B3GLCT: variants seen among roughly 807,000 people sequenced by gnomAD.
B3GLCT encodes beta 3-glucosyltransferase, also known as beta-1,3-glucosyltransferase.
In B3GLCT, 65 loss-of-function variants were observed where a neutral mutation model predicts 63.4. That is an observed-to-expected ratio of 1.03 (90% confidence interval 0.84 to 1.26). The LOEUF (loss-of-function observed/expected upper bound fraction) is 1.26, where lower values mean the gene tolerates loss of function less well. Among genes scored for constraint, B3GLCT ranks in the 50% most tolerant of loss-of-function variants. The pLI is 0.00. For synonymous variants in B3GLCT, 233 were observed against 219.2 expected, an observed-to-expected ratio of 1.06 and a Z score of -0.55; for missense variants, 577 against 604.8, an observed-to-expected ratio of 0.95 and a Z score of 0.48.
intron 12 of B3GLCT, among the ~76,000 whole-genome samples, chr13:31,289,682 G>A (rs570811132): frequency 2.2e-4 from 33 of 152,074 alleles, no homozygotes; most frequent in African/African-American, 7.5e-4. Context: ...ATAGATAAAG[G>A]GGAAATAATC....
chr13:31,289,918 C>T (rs1233550367), intron 12 of B3GLCT, among the ~76,000 whole-genome samples: 1 of 151,010 alleles, frequency 6.6e-6, no homozygotes, highest in Non-Finnish European at 1.5e-5. Context: ...GCAAAATGTG[C>T]AGGTTTGTTA....
chr13:31,319,109 C>T lies in B3GLCT; in HGVS notation c.1184+1424C>T, dbSNP rs115849379. Among the ~76,000 whole-genome samples, 386 of 152,306 alleles carry T rather than the reference C, an allele frequency of 2.5e-3. 2 individuals are homozygous for T. The highest frequency in any genetic ancestry group is 8.8e-3 in the African/African-American group (367 of 41,560). On this transcript the variant is annotated intron_variant, in intron 13 of 14. Coordinates refer to ENST00000343307, the MANE Select transcript of B3GLCT (RefSeq NM_194318.4). ...TGAAAGCTGCACAGCCCCTTCCCCA[C>T]AGGACCTCACAGGCCAGTGCCAGAT... is the stretch of plus-strand genomic sequence containing the variant.
Position 31,214,839 on chromosome 13 carries a change from C to T in B3GLCT, c.71-212C>T, listed in dbSNP as rs1284896499. 2.0e-5 allele frequency among the ~76,000 whole-genome samples: 3 copies of T among 152,224 alleles called. No individual in the cohort carries two copies. The South Asian group carries it at 6.2e-4, about 32-fold the overall frequency. On this transcript the variant is annotated intron_variant, in intron 1 of 14. Transcript: ENST00000343307. The stretch of plus-strand genomic sequence containing the variant: ...TGTACTGTTTCTTTTGCTTGGTAGC[C>T]TAAGCGTGTTGGCTTCGTGTTGATG...
chr13:31,240,467 G>GTTTTTTTTT (rs146603707), intron 4 of B3GLCT, among the ~76,000 whole-genome samples: 2 of 129,802 alleles, frequency 1.5e-5, no homozygotes, highest in Non-Finnish European at 3.3e-5. Context: ...TGCCTCTTTA[G>GTTTTTTTTT]TTTTTTTTTT....
chr13:31,315,265 A>G (rs1424842769), intron 12 of B3GLCT, among the ~76,000 whole-genome samples: 1 of 152,216 alleles, frequency 6.6e-6, no homozygotes, highest in African/African-American at 2.4e-5. Context: ...AGGAAGATGA[A>G]TGAAAGTTTG....
At position 31,269,093 on chromosome 13, in the gene B3GLCT, T is replaced by A. The variant is rs9543022; in HGVS notation, c.597-121T>A. ...CTTTCCCTCAAGGAATTTAAACTGTTATTTTTATCTTTAAATCTGTATGTT... is the reference window on the plus strand; with the variant it reads ...CTTTCCCTCAAGGAATTTAAACTGTAATTTTTATCTTTAAATCTGTATGTT... On this transcript the variant is annotated intron_variant, in intron 7 of 14. Coordinates refer to ENST00000343307, the MANE Select transcript of B3GLCT (RefSeq NM_194318.4). 3 of 727,450 alleles carry A rather than the reference T, an allele frequency of 4.1e-6. No individual in the cohort carries two copies. In the East Asian group the frequency reaches 8.2e-5, roughly 20 times the overall value. 45.1% of individuals were successfully genotyped at this position (727,450 alleles called of 1,614,324 possible).
At chr13:31,208,249 C>T (rs919230748) in intron 1 of B3GLCT, among the ~76,000 whole-genome samples, 1 of 152,168 alleles carries the variant, frequency 6.6e-6, no homozygotes, top group Admixed American at 6.5e-5. Context: ...ATTCATTAAA[C>T]AGCTGCCTTC....
rs1042593499 is a variant in B3GLCT at position 31,243,971 on chromosome 13, C to T, written c.271-3052C>T. Among the ~76,000 whole-genome samples the T allele has an allele frequency of 2.5e-4, 38 of 152,144 alleles. 1 individual carries two copies. Among genetic ancestry groups the T allele is most frequent in the Non-Finnish European group, 1.2e-4 (8 of 68,030 alleles). ...TTAGCTCCTTTATGCCTGCCTGTTA[C>T]GGCATTATCTCATTATCGAGAGAAT... On this transcript the variant is annotated intron_variant, in intron 4 of 14. Transcript: ENST00000343307.
chr13:31,231,973 A>C (rs1870403107), intron 4 of B3GLCT, among the ~76,000 whole-genome samples: 1 of 152,252 alleles, frequency 6.6e-6, no homozygotes, highest in South Asian at 2.1e-4. Flanking sequence ...TTAGGAATGG[A>C]GAATGTGTTA....
At chr13:31,257,118 A>G (rs1871782723) in intron 6 of B3GLCT, among the ~76,000 whole-genome samples, 1 of 152,178 alleles carries the variant, frequency 6.6e-6, no homozygotes, top group East Asian at 1.9e-4. Context: ...AAAAACAATC[A>G]TATACTATAT....
chr13:31,205,252 T>G (rs991672685), intron 1 of B3GLCT, among the ~76,000 whole-genome samples: 16 of 151,704 alleles, frequency 1.1e-4, no homozygotes, highest in African/African-American at 3.4e-4. Context: ...TTTTTTGTTT[T>G]TTTTTTTAAG....
intron 12 of B3GLCT, among the ~76,000 whole-genome samples, chr13:31,314,709 T>C (rs1265084988): frequency 2.6e-5 from 4 of 152,210 alleles, no homozygotes; most frequent in Non-Finnish European, 5.9e-5. Flanking sequence ...GTTAAGACTT[T>C]TGGGGACTGT....
Position 31,238,523 on chromosome 13 carries a change from C to G in B3GLCT, c.271-8500C>G, listed in dbSNP as rs561846379. On this transcript the variant is annotated intron_variant, in intron 4 of 14. Transcript: ENST00000343307. ...GTGCAGAGTATCATTCTAAGTTGCT[C>G]TGTCACAAAGGATTAGAAAGGAATT... is the stretch of plus-strand genomic sequence containing the variant. 6.6e-5 allele frequency among the ~76,000 whole-genome samples: 10 copies of G among 152,296 alleles called. No homozygotes were observed. The East Asian group carries it at 1.9e-3, about 29-fold the overall frequency.
At chr13:31,248,405 G>C (rs1871288142) in intron 6 of B3GLCT, among the ~76,000 whole-genome samples, 1 of 152,218 alleles carries the variant, frequency 6.6e-6, no homozygotes, top group African/African-American at 2.4e-5. Context: ...TTCTGAACAT[G>C]TGGGTGGCAC....
chr13:31,233,205 C>T (rs1356100759), intron 4 of B3GLCT, among the ~76,000 whole-genome samples: 9 of 152,142 alleles, frequency 5.9e-5, no homozygotes, highest in Non-Finnish European at 1.3e-4. Context: ...CAACCTCCCT[C>T]TTATTAAATA....
intron 4 of B3GLCT, among the ~76,000 whole-genome samples, chr13:31,238,538 A>G (rs2137789870): frequency 6.6e-6 from 1 of 152,388 alleles, no homozygotes; most frequent in Admixed American, 6.5e-5. Flanking sequence ...ACAAAGGATT[A>G]GAAAGGAATT....
In B3GLCT at chr13:31,239,053, G is replaced by C. The variant is rs573583465; in HGVS notation, c.271-7970G>C. 3.3e-5 allele frequency among the ~76,000 whole-genome samples: 5 copies of C among 152,314 alleles called. No individual in the cohort carries two copies. The East Asian group carries it at 9.6e-4, about 29-fold the overall frequency. Reference sequence around the variant, plus strand: ...GGACATAGGTTTAGAACATAGTTCTGGAAGATGAAGACATGAATTGCCAGA... The same window carrying C: ...GGACATAGGTTTAGAACATAGTTCTCGAAGATGAAGACATGAATTGCCAGA... On this transcript the variant is annotated intron_variant, in intron 4 of 14. Coordinates refer to ENST00000343307, the MANE Select transcript of B3GLCT (RefSeq NM_194318.4).
chr13:31,321,325 C>T lies in B3GLCT; in HGVS notation c.1185-2426C>T, dbSNP rs114054488. Among the ~76,000 whole-genome samples the T allele has an allele frequency of 5.5e-3, 835 of 152,304 alleles. 12 individuals are homozygous for T. Among genetic ancestry groups the T allele is most frequent in the African/African-American group, 0.019 (802 of 41,556 alleles). On this transcript the variant is annotated intron_variant, in intron 13 of 14. Transcript: ENST00000343307. ...TTGAATAGTTTCTCTAGTATTACAGCAGAATTTTCTGATGCTCTAGCTTGA... is the reference window on the plus strand; with the variant it reads ...TTGAATAGTTTCTCTAGTATTACAGTAGAATTTTCTGATGCTCTAGCTTGA...
intron 10 of B3GLCT, among the ~76,000 whole-genome samples, chr13:31,282,715 G>A (rs1185150838): frequency 6.6e-6 from 1 of 151,716 alleles, no homozygotes; most frequent in African/African-American, 2.4e-5. Flanking sequence ...TGTACAAACT[G>A]TTGAATGCTT....
Sources: gnomAD v4.1 joint callset for allele counts (sites outside exome capture counted in the v4.1 genomes callset) on GRCh38, gnomAD v4.1.1 for gene constraint, MANE v1.5 for transcripts, NCBI Gene and HGNC (gene_info 2026-07-23, HGNC 2026-07-21) for gene names.